Variants in CMIP observed in about 807,000 individuals in gnomAD.
CMIP encodes the protein c-Maf inducing protein, also known as C-Maf-inducing protein.
Under a neutral mutation model 97.3 loss-of-function variants are expected in CMIP, and 13 were observed. The ratio of observed to expected loss-of-function variants is 0.13; its 90% confidence interval spans 0.09 to 0.21. The LOEUF is 0.21. CMIP is among the 10% of genes least tolerant of loss of function. The probability of loss-of-function intolerance (pLI) is 1.00; values close to 1 mark genes in which losing one functional copy is unlikely to be tolerated. For missense variants in CMIP, 847 were observed against 1,024.9 expected (o/e 0.83, Z 2.37); for synonymous variants, 538 against 436.3 (o/e 1.23, Z -2.91).
At position 81,662,832 on chromosome 16, in the gene CMIP, C is replaced by T. The variant is rs184833625; in HGVS notation, c.745-1437C>T. On this transcript the variant is annotated intron_variant, in intron 6 of 20. Coordinates refer to ENST00000537098, the MANE Select transcript of CMIP (RefSeq NM_198390.3). Reference sequence around the variant, plus strand: ...TGAATTGGGTCTGCAGACTGCCACCCGAGTGCTAAAGCCACCAGTTGAAGA... The same window carrying T: ...TGAATTGGGTCTGCAGACTGCCACCTGAGTGCTAAAGCCACCAGTTGAAGA... Among the ~76,000 whole-genome samples the T allele has an allele frequency of 3.1e-3, 474 of 152,274 alleles. 4 individuals carry two copies. The highest frequency in any genetic ancestry group is 0.018 in the Admixed American group (270 of 15,298).
rs372982920 is a variant in CMIP at position 81,669,489 on chromosome 16, C to T, written c.826-653C>T. Among the ~76,000 whole-genome samples the T allele has an allele frequency of 3.3e-4, 46 of 137,474 alleles. 2 individuals carry two copies. The South Asian group carries it at 9.2e-3, about 28-fold the overall frequency. The allele number at this position is 137,474 out of a possible 152,430, so 90.2% of individuals were successfully genotyped here. A position where few individuals can be genotyped will look rare whatever the true frequency, so the allele number is the denominator to read the frequency against. On this transcript the variant is annotated intron_variant, in intron 7 of 20. Transcript: ENST00000537098. ...TCACCTTCCACACCCACCTCTCTCA[C>T]CTCCTTCCACATCCACCTCACACCT...
At chr16:81,565,821 G>A (rs116820984) in intron 1 of CMIP, among the ~76,000 whole-genome samples, 156 of 152,310 alleles carry the variant, frequency 1.0e-3, no homozygotes, top group African/African-American at 3.5e-3. Context: ...GGGGCACGGC[G>A]CCGCCTCCTT....
chr16:81,669,665 C>G (rs1173141479), intron 7 of CMIP, among the ~76,000 whole-genome samples: 2 of 108,204 alleles, frequency 1.8e-5, no homozygotes, highest in Non-Finnish European at 3.7e-5. Flanking sequence ...TCCACACCCA[C>G]CTCACACTCA....
intron 3 of CMIP, among the ~76,000 whole-genome samples, chr16:81,644,400 C>G (rs1480345142): frequency 6.6e-6 from 1 of 152,196 alleles, no homozygotes; most frequent in African/African-American, 2.4e-5. Context: ...CAGGGTGTCT[C>G]TGTGGGGAGT....
chr16:81,688,350 A>T (rs990219783), intron 10 of CMIP, among the ~76,000 whole-genome samples: 1 of 152,176 alleles, frequency 6.6e-6, no homozygotes, highest in African/African-American at 2.4e-5. Context: ...CTCCTTCCTT[A>T]CCCAGGCAGG....
intron 1 of CMIP, among the ~76,000 whole-genome samples, chr16:81,601,383 C>G (rs772166386): frequency 7.0e-4 from 106 of 152,208 alleles, no homozygotes; most frequent in Non-Finnish European, 1.0e-3. Flanking sequence ...TAGGTGTCTT[C>G]TGCCAGCATC....
At chr16:81,664,714 C>A in intron 7 of CMIP, 1 of 444,384 alleles carries the variant, frequency 2.3e-6, no homozygotes, top group Non-Finnish European at 3.9e-6. Context: ...GAGGTCCTTC[C>A]AGAGAGCACT....
chr16:81,594,592 A>G (rs977994700), intron 1 of CMIP, among the ~76,000 whole-genome samples: 2 of 152,036 alleles, frequency 1.3e-5, no homozygotes, highest in Non-Finnish European at 1.5e-5. Flanking sequence ...CTAAACATAT[A>G]TATACCTATG....
chr16:81,559,562 G>A (rs1408364461), intron 1 of CMIP, among the ~76,000 whole-genome samples: 1 of 152,190 alleles, frequency 6.6e-6, no homozygotes, highest in East Asian at 1.9e-4. Flanking sequence ...TAATGGAGCT[G>A]AAAAATTCCT....
intron 1 of CMIP, among the ~76,000 whole-genome samples, chr16:81,587,270 A>G (rs937002106): frequency 6.6e-6 from 1 of 152,212 alleles, no homozygotes; most frequent in Non-Finnish European, 1.5e-5. Context: ...GGGGCCGCCC[A>G]TTCCTGGGCT....
Position 81,652,443 on chromosome 16 carries a change from C to T in CMIP, c.639+79C>T, listed in dbSNP as rs1475927938. The T allele has an allele frequency of 4.6e-6, 6 of 1,294,630 alleles. No individual in the cohort carries two copies. Among genetic ancestry groups the T allele is most frequent in the Non-Finnish European group, 6.5e-6 (6 of 918,934 alleles). The allele number at this position is 1,294,630 out of a possible 1,614,324, so 80.2% of individuals were successfully genotyped here. ...CACCGGCTCCATGCCAAGCAGCAGGCGCAGGCAGAGCTCCGTGTGGGCTGT... is the reference window on the plus strand; with the variant it reads ...CACCGGCTCCATGCCAAGCAGCAGGTGCAGGCAGAGCTCCGTGTGGGCTGT... On this transcript the variant is annotated intron_variant, in intron 4 of 20. Coordinates refer to ENST00000537098, the MANE Select transcript of CMIP (RefSeq NM_198390.3). The surrounding 1 kb of genome is among the most constrained non-coding windows in gnomAD (Gnocchi z 5.2).
At position 81,614,166 on chromosome 16, in the gene CMIP, C is replaced by T. The variant is rs1567611037; in HGVS notation, c.426+6474C>T. Among the ~76,000 whole-genome samples the T allele has an allele frequency of 6.6e-6, 1 of 151,976 alleles. No individual in the cohort carries two copies. The highest frequency in any genetic ancestry group is 6.6e-5 in the Admixed American group (1 of 15,262). Reference sequence around the variant, plus strand: ...GTGTAAGTAGGAGTCCAGCGGGCAGCGGAGAGAAGGGGGTGACAGCAGAAT... The same window carrying T: ...GTGTAAGTAGGAGTCCAGCGGGCAGTGGAGAGAAGGGGGTGACAGCAGAAT... On this transcript the variant is annotated intron_variant, in intron 2 of 20. Transcript: ENST00000537098. This position sits in a 1 kb window ranked among gnomAD's most constrained non-coding sequence, Gnocchi z 5.3.
At chr16:81,549,585 A>AAT (rs2090613862) in intron 1 of CMIP, among the ~76,000 whole-genome samples, 1 of 152,270 alleles carries the variant, frequency 6.6e-6, no homozygotes, top group South Asian at 2.1e-4. Context: ...CCCTGAGTGA[A>AAT]ATGCCAGTGG....
chr16:81,569,725 G>T (rs1284090150), intron 1 of CMIP, among the ~76,000 whole-genome samples: 1 of 152,220 alleles, frequency 6.6e-6, no homozygotes, highest in Non-Finnish European at 1.5e-5. Flanking sequence ...TTGGCTTCTG[G>T]GAGCTGGAAA....
intron 3 of CMIP, among the ~76,000 whole-genome samples, chr16:81,639,471 T>C (rs2092277977): frequency 1.3e-5 from 2 of 152,322 alleles, no homozygotes; most frequent in South Asian, 2.1e-4. Flanking sequence ...ATTTGTCTAC[T>C]CTAGGGACCT....
rs991703963 is a variant in CMIP at position 81,454,252 on chromosome 16, A to G, written c.300+8711A>G. Among the ~76,000 whole-genome samples, 3 of 152,140 alleles carry G rather than the reference A, an allele frequency of 2.0e-5. No individual in the cohort carries two copies. In the East Asian group the frequency reaches 5.8e-4, roughly 29 times the overall value. On this transcript the variant is annotated intron_variant, in intron 1 of 20. Coordinates refer to ENST00000537098, the MANE Select transcript of CMIP (RefSeq NM_198390.3). ...GGCACAGTGCTCATTTAATTTTCAC[A>G]ACAATCCTGTGGGGTAGGTGTTTAT...
At chr16:81,497,219 G>A (rs2089507824) in intron 1 of CMIP, among the ~76,000 whole-genome samples, 1 of 152,228 alleles carries the variant, frequency 6.6e-6, no homozygotes, top group South Asian at 2.1e-4. Context: ...GGCAGACCTA[G>A]GGCTCTGATG....
chr16:81,678,600 G>A lies in CMIP; in HGVS notation c.1360G>A (p.Gly454Ser), dbSNP rs554256376. 30 of 1,593,648 alleles carry A rather than the reference G, an allele frequency of 1.9e-5. No individual in the cohort carries two copies. The highest frequency in any genetic ancestry group is 9.4e-5 in the African/African-American group (7 of 74,756). The change falls in exon 10 of 21, where the codon GGC becomes AGC. Residue 454 changes from glycine (G) to serine (S), a missense_variant. Transcript: ENST00000537098. ...ELGPQADRTL[G>S]CYVEILKLLS... ...GGGCCCCCAGGCCGACCGCACGCTC[G>A]GCTGCTACGTGGAAATCCTCAAGCT...
chr16:81,512,605 T>G (rs1056202634), intron 1 of CMIP, among the ~76,000 whole-genome samples: 6 of 152,172 alleles, frequency 3.9e-5, no homozygotes, highest in African/African-American at 1.4e-4. Context: ...AAGTTTAGAG[T>G]AATAAACTGA....
Sources: allele counts gnomAD v4.1 joint callset (sites outside exome capture counted in the v4.1 genomes callset), GRCh38; gene constraint gnomAD v4.1.1; non-coding constraint Gnocchi (gnomAD v3.1); transcripts MANE v1.5; gene names NCBI Gene and HGNC (gene_info 2026-07-23, HGNC 2026-07-21).